LMO7: variants seen among roughly 807,000 people sequenced by gnomAD.
LMO7 encodes LIM domain only protein 7.
LMO7 carries 120 observed loss-of-function variants against 206.5 expected under a neutral mutation model. That is an observed-to-expected ratio of 0.58 (90% CI 0.50 to 0.68). The LOEUF (loss-of-function observed/expected upper bound fraction) is 0.68, where lower values mean the gene tolerates loss of function less well. Ranked by LOEUF, LMO7 falls within the 30% of genes least tolerant of loss-of-function variation. The probability of loss-of-function intolerance (pLI) is 0.00; values close to 1 mark genes in which losing one functional copy is unlikely to be tolerated. For missense variants in LMO7, 1,959 were observed against 1,957.9 expected, an observed-to-expected ratio of 1.00 and a Z score of -0.01; for synonymous variants, 706 against 681.5, an observed-to-expected ratio of 1.04 and a Z score of -0.56.
intron 1 of LMO7, among the ~76,000 whole-genome samples, chr13:75,668,710 G>A (rs957703427): frequency 2.6e-5 from 4 of 152,174 alleles, no homozygotes; most frequent in African/African-American, 9.6e-5. Context: ...TCTGTAGAAG[G>A]TTGGTCTAAT....
chr13:75,621,605 A>G (rs1222419424), exon 1 of LMO7: 3 of 511,868 alleles, frequency 5.9e-6, no homozygotes, highest in Non-Finnish European at 9.4e-6. Flanking sequence ...ATGAATTTCA[A>G]TATGGTGCTA....
At chr13:75,852,904 T>C (rs752094320) in intron 27 of LMO7, among the ~76,000 whole-genome samples, 188 bp from the exon 28 acceptor site, 9 of 152,208 alleles carry the variant, frequency 5.9e-5, no homozygotes, top group Non-Finnish European at 1.3e-4. Flanking sequence ...TTTCAACTTA[T>C]GATGGGTTTA....
At chr13:75,721,982 G>A (rs191280526) in intron 2 of LMO7, among the ~76,000 whole-genome samples, 1 of 152,314 alleles carries the variant, frequency 6.6e-6, no homozygotes, top group African/African-American at 2.4e-5. Context: ...AACAAATGGT[G>A]TTGGGATAAT....
At chr13:75,727,902 T>C (rs2044646440) in intron 3 of LMO7, among the ~76,000 whole-genome samples, 1 of 152,094 alleles carries the variant, frequency 6.6e-6, no homozygotes, top group Admixed American at 6.5e-5. Flanking sequence ...TGCGATAGTT[T>C]ACTGAGAATG....
In LMO7 at chr13:75,855,296, TA is replaced by T. The variant is rs780595747; in HGVS notation, c.4700del (p.Asn1567ThrfsTer9). 6.2e-7 allele frequency: 1 copy of T among 1,613,948 alleles called. No individual in the cohort carries two copies. The highest frequency in any genetic ancestry group is 1.1e-5 in the South Asian group (1 of 91,080). On this transcript the variant is annotated frameshift_variant, in exon 29 of 31. Coordinates refer to ENST00000377534, the MANE Select transcript of LMO7 (RefSeq NM_001306080.2). LOFTEE classifies it high-confidence loss of function. Reference protein sequence around the residue: ...SGKRICSYCNNILGKGAAMII... With the variant: ...SGKRICSYCNXILGKGAAMII... Reference sequence around the variant, plus strand: ...GGAAGCGCATATGCTCCTACTGCAATAACATTCTGGGCAAAGGAGCCGCCAT... The same window carrying T: ...GGAAGCGCATATGCTCCTACTGCAATACATTCTGGGCAAAGGAGCCGCCAT...
At position 75,805,624 on chromosome 13, in the gene LMO7, C is replaced by T; in HGVS notation, c.1060C>T (p.Leu354Phe). 1 of 1,614,084 alleles carries T rather than the reference C, an allele frequency of 6.2e-7. No homozygotes were observed. The highest frequency in any genetic ancestry group is 1.3e-5 in the African/African-American group (1 of 75,076). ...AAAGGATGATCTTTATGTGCGCAAG[C>T]TCAGTCCAGTCATGCCAAACCCAGG... is the stretch of plus-strand genomic sequence containing the variant. ...IVKDDLYVRK[L>F]SPVMPNPGNA... The change falls in exon 9 of 31, where the codon CTC (leucine) becomes TTC (phenylalanine). Residue 354 changes from leucine (L) to phenylalanine (F), a missense_variant. Leu to Phe is a conservative substitution (Grantham distance 22). Transcript: ENST00000377534.
chr13:75,752,231 A>G (rs2047332939), intron 3 of LMO7, among the ~76,000 whole-genome samples: 1 of 151,894 alleles, frequency 6.6e-6, no homozygotes, highest in Non-Finnish European at 1.5e-5. Flanking sequence ...TCCCAAGTTC[A>G]GCAATTATCC....
At chr13:75,644,281 A>G (rs1168102363) in intron 1 of LMO7, among the ~76,000 whole-genome samples, 1 of 152,130 alleles carries the variant, frequency 6.6e-6, no homozygotes, top group Non-Finnish European at 1.5e-5. Context: ...GTTCTTTTCC[A>G]ATGAGGGAAA....
intron 30 of LMO7, chr13:75,857,312 G>C (rs1226441642): frequency 6.6e-6 from 1 of 152,234 alleles, no homozygotes; most frequent in African/African-American, 2.4e-5. Flanking sequence ...CCTTGATGCT[G>C]GTAACATGTG....
At chr13:75,756,774 A>G (rs903165170) in intron 3 of LMO7, among the ~76,000 whole-genome samples, 1 of 152,194 alleles carries the variant, frequency 6.6e-6, no homozygotes, top group African/African-American at 2.4e-5. Context: ...TACTTAAGGA[A>G]TTACACCTGA....
Position 75,730,803 on chromosome 13 carries a change from T to C in LMO7, c.210+3705T>C, listed in dbSNP as rs1442901102. On this transcript the variant is annotated intron_variant, in intron 3 of 30. Transcript: ENST00000377534. ...TTCCCTCTACACACTGCTTTGAATG[T>C]GTCTCAGAGATTCTGGTATGTTGTG... is the stretch of plus-strand genomic sequence containing the variant. Among the ~76,000 whole-genome samples, 6 of 128,262 alleles carry C rather than the reference T, an allele frequency of 4.7e-5. No individual in the cohort carries two copies. The East Asian group carries it at 7.0e-4, about 15-fold the overall frequency. The allele number at this position is 128,262 out of a possible 152,430, so 84.1% of individuals were successfully genotyped here.
chr13:75,641,666 G>A (rs1282803599), intron 1 of LMO7, among the ~76,000 whole-genome samples: 1 of 151,716 alleles, frequency 6.6e-6, no homozygotes, highest in African/African-American at 2.4e-5. Context: ...TTTTACTTTT[G>A]TTTTCTGAGA....
At chr13:75,665,255 A>G (rs2038976354) in intron 1 of LMO7, among the ~76,000 whole-genome samples, 1 of 152,110 alleles carries the variant, frequency 6.6e-6, no homozygotes, top group Admixed American at 6.5e-5. Context: ...TAAATTTAGA[A>G]CCAATTAAGT....
intron 3 of LMO7, among the ~76,000 whole-genome samples, chr13:75,731,984 T>C (rs1399218374): frequency 6.6e-6 from 1 of 152,238 alleles, no homozygotes; most frequent in East Asian, 1.9e-4. Flanking sequence ...GAGTTTCTGC[T>C]GACAGATCCG....
At chr13:75,857,828 A>T in intron 30 of LMO7, 93 bp from the exon 31 acceptor site, 1 of 787,612 alleles carries the variant, frequency 1.3e-6, no homozygotes, top group Non-Finnish European at 2.0e-6. Context: ...TCATTGGGCC[A>T]CTTTCTGAGT....
At chr13:75,641,649 CT>C (rs1229132981) in intron 1 of LMO7, among the ~76,000 whole-genome samples, 1 of 152,006 alleles carries the variant, frequency 6.6e-6, no homozygotes, top group African/African-American at 2.4e-5. Context: ...TTTCCTCTCA[CT>C]TTTTCTTTTA....
At chr13:75,787,346 G>A (rs965283932) in intron 4 of LMO7, among the ~76,000 whole-genome samples, 2 of 152,122 alleles carry the variant, frequency 1.3e-5, no homozygotes, top group East Asian at 1.9e-4. Context: ...CCCACCTTTC[G>A]GCTCCTGCAG....
intron 1 of LMO7, among the ~76,000 whole-genome samples, chr13:75,656,644 G>T (rs1338572355): frequency 2.6e-5 from 4 of 152,142 alleles, no homozygotes; most frequent in African/African-American, 9.7e-5. Context: ...ACTACAGAAG[G>T]TTTATAGTTA....
intron 1 of LMO7, among the ~76,000 whole-genome samples, chr13:75,711,226 T>C (rs988590759): frequency 1.3e-5 from 2 of 152,232 alleles, no homozygotes; most frequent in Admixed American, 6.5e-5. Flanking sequence ...GATTTTTGCA[T>C]TGATGTTCAT....
Sources: allele counts gnomAD v4.1 joint callset (sites outside exome capture counted in the v4.1 genomes callset), GRCh38; gene constraint gnomAD v4.1.1; transcripts MANE v1.5; gene names NCBI Gene and HGNC (gene_info 2026-07-23, HGNC 2026-07-21).